RBMS3: variants seen among roughly 807,000 people sequenced by gnomAD.
The protein encoded by RBMS3 is RNA-binding motif, single-stranded-interacting protein 3.
A neutral mutation model predicts 66.8 loss-of-function variants in RBMS3; 27 were observed. The observed-to-expected ratio is 0.40, with a 90% CI of 0.30 to 0.56. The LOEUF is 0.56. RBMS3 is among the 20% of genes least tolerant of loss of function. RBMS3 has a pLI of 0.40. For missense variants in RBMS3, 513 were observed against 549.5 expected, an observed-to-expected ratio of 0.93 and a Z score of 0.66; for synonymous variants, 188 against 183.0, an observed-to-expected ratio of 1.03 and a Z score of -0.22.
intron 1 of RBMS3, among the ~76,000 whole-genome samples, chr3:29,298,621 G>A (rs544877803): frequency 1.3e-5 from 2 of 150,930 alleles, no homozygotes; most frequent in African/African-American, 4.9e-5. Flanking sequence ...GGAAATATTT[G>A]GTTTCTTTTT....
chr3:29,562,618 G>A (rs3773082), intron 3 of RBMS3, among the ~76,000 whole-genome samples: 1 of 152,068 alleles, frequency 6.6e-6, no homozygotes, highest in Non-Finnish European at 1.5e-5. Flanking sequence ...TTGATATATG[G>A]TTACTTGGTT....
chr3:29,747,451 T>C (rs981393106), intron 5 of RBMS3, among the ~76,000 whole-genome samples: 6 of 144,942 alleles, frequency 4.1e-5, no homozygotes, highest in Admixed American at 2.1e-4. Flanking sequence ...GATAGATAGA[T>C]GTCAGGTCAC....
chr3:29,475,708 T>C (rs2042924046), intron 2 of RBMS3, among the ~76,000 whole-genome samples: 1 of 152,186 alleles, frequency 6.6e-6, no homozygotes, highest in South Asian at 2.1e-4. Context: ...CCTAAAGGAT[T>C]ATGGGATGTG....
intron 4 of RBMS3, among the ~76,000 whole-genome samples, chr3:29,682,116 A>T (rs2051522106): frequency 6.6e-6 from 1 of 152,144 alleles, no homozygotes; most frequent in Non-Finnish European, 1.5e-5. Context: ...TTACGAAAGG[A>T]TGGCTTGATG....
intron 4 of RBMS3, chr3:29,615,123 G>T (rs998605103): frequency 1.3e-5 from 2 of 152,372 alleles, no homozygotes; most frequent in African/African-American, 4.8e-5. Flanking sequence ...AGTCAGCTTC[G>T]CCACCTTCTC....
chr3:29,893,875 G>A (rs2060061337), intron 8 of RBMS3, among the ~76,000 whole-genome samples: 1 of 151,286 alleles, frequency 6.6e-6, no homozygotes, highest in Admixed American at 6.6e-5. Flanking sequence ...TTCCTGTATG[G>A]TAATCACTAC....
chr3:29,577,000 C>T (rs1347494971), intron 3 of RBMS3, among the ~76,000 whole-genome samples: 2 of 152,174 alleles, frequency 1.3e-5, no homozygotes, highest in African/African-American at 4.8e-5. Context: ...GTACCTAAGA[C>T]ACAAGACAAT....
chr3:29,739,458 G>A (rs369423903), intron 4 of RBMS3, among the ~76,000 whole-genome samples: 292 of 129,512 alleles, frequency 2.3e-3, no homozygotes, highest in African/African-American at 2.3e-3. Context: ...TCCGTCTCAA[G>A]AAAAAAAAAA....
intron 7 of RBMS3, among the ~76,000 whole-genome samples, chr3:29,883,686 A>T (rs556200729): frequency 6.6e-6 from 1 of 152,180 alleles, no homozygotes; most frequent in East Asian, 1.9e-4. Context: ...TGGACTCATT[A>T]CCTACAAACC....
At chr3:29,492,458 G>A (rs950386333) in intron 3 of RBMS3, among the ~76,000 whole-genome samples, 12 of 152,216 alleles carry the variant, frequency 7.9e-5, no homozygotes, top group African/African-American at 2.6e-4. Context: ...TGAAACAATC[G>A]TCTAAATGTT....
intron 2 of RBMS3, among the ~76,000 whole-genome samples, chr3:29,468,463 G>A (rs1575908198): frequency 6.6e-6 from 1 of 152,112 alleles, no homozygotes; most frequent in African/African-American, 2.4e-5. Context: ...AAGTTAAGTA[G>A]CTTACCCTAA....
chr3:29,849,170 A>ATGTGTGTGTGTGTGTGTG (rs10571760), intron 6 of RBMS3, among the ~76,000 whole-genome samples: 1 of 141,676 alleles, frequency 7.1e-6, no homozygotes, highest in African/African-American at 2.7e-5. Flanking sequence ...CACCAAAGGA[A>ATGTGTGTGTGTGTGTGTG]TGTGTGTGTG....
At chr3:29,761,682 A>G (rs1160068969) in intron 5 of RBMS3, among the ~76,000 whole-genome samples, 2 of 152,144 alleles carry the variant, frequency 1.3e-5, no homozygotes, top group Admixed American at 1.3e-4. Flanking sequence ...GCCATGTAAT[A>G]TGGTCCTATA....
intron 6 of RBMS3, among the ~76,000 whole-genome samples, chr3:29,836,881 A>C (rs2058523101): frequency 6.6e-6 from 1 of 151,864 alleles, no homozygotes; most frequent in South Asian, 2.1e-4. Context: ...TGGGGTGGGG[A>C]GAAAACCTCT....
intron 6 of RBMS3, among the ~76,000 whole-genome samples, chr3:29,795,997 C>T (rs1336452579): frequency 3.9e-5 from 6 of 152,136 alleles, no homozygotes; most frequent in Non-Finnish European, 5.9e-5. Flanking sequence ...GATACAAGAA[C>T]AAAGGATGAC....
At chr3:29,985,404 G>GAA (rs61097302) in intron 12 of RBMS3, among the ~76,000 whole-genome samples, 21,078 of 148,592 alleles carry the variant, frequency 0.14, 1,709 homozygotes, top group Middle Eastern at 0.22. Context: ...ACTGGGGTAT[G>GAA]AAAAAAAAAA....
intron 1 of RBMS3, among the ~76,000 whole-genome samples, chr3:29,380,514 A>G (rs939149009): frequency 6.6e-6 from 1 of 152,214 alleles, no homozygotes; most frequent in African/African-American, 2.4e-5. Flanking sequence ...GTTGCATTGC[A>G]TGTTTTAACT....
chr3:29,954,557 T>G (rs1695897670), intron 12 of RBMS3, among the ~76,000 whole-genome samples: 1 of 152,020 alleles, frequency 6.6e-6, no homozygotes, highest in Admixed American at 6.6e-5. Flanking sequence ...TGATTTAATA[T>G]TATACTAAGC....
intron 14 of RBMS3, among the ~76,000 whole-genome samples, chr3:29,992,120 C>T (rs1698915239): frequency 6.6e-6 from 1 of 152,102 alleles, no homozygotes; most frequent in Non-Finnish European, 1.5e-5. Context: ...AATAAAATCC[C>T]TGATGAATAG....
Sources: gnomAD v4.1 joint callset for allele counts (sites outside exome capture counted in the v4.1 genomes callset) on GRCh38, gnomAD v4.1.1 for gene constraint, MANE v1.5 for transcripts, NCBI Gene and HGNC (gene_info 2026-07-23, HGNC 2026-07-21) for gene names.